The following NHS variants were observed in gnomAD, a reference collection of about 807,000 sequenced individuals.
The protein encoded by NHS is NHS actin remodeling regulator.
NHS carries 5 observed loss-of-function variants against 72.5 expected under a neutral mutation model. The observed-to-expected ratio is 0.07, with a 90% CI of 0.04 to 0.14. The LOEUF is 0.14. NHS is among the 10% of genes least tolerant of loss of function. The pLI, the probability that NHS is intolerant of heterozygous loss-of-function variation, is 1.00. For synonymous variants in NHS, 464 were observed against 547.7 expected (o/e 0.85, Z 2.13); for missense variants, 1,072 against 1,355.7 (o/e 0.79, Z 3.29).
intron 1 of NHS, among the ~76,000 whole-genome samples, chrX:17,425,551 A>G (rs866270380): frequency 7.7e-5 from 5 of 64,996 alleles, no homozygotes; most frequent in African/African-American, 1.7e-4. Context: ...AAAAAAAAAA[A>G]AAAAAAAAAA....
chrX:17,488,938 C>T (rs1247980128), intron 1 of NHS, among the ~76,000 whole-genome samples: 1 of 111,091 alleles, frequency 9.0e-6, no homozygotes, highest in East Asian at 2.8e-4. Context: ...CTATCCCTCC[C>T]CTAGCCCCAC....
chrX:17,428,142 G>A (rs7056615), intron 1 of NHS, among the ~76,000 whole-genome samples: 10,863 of 111,989 alleles, frequency 0.097, 1,323 homozygotes, highest in African/African-American at 0.33. Flanking sequence ...ATCAGGGTAC[G>A]TGACCTAACT....
chrX:17,414,681 G>A (rs1482455883), intron 1 of NHS, among the ~76,000 whole-genome samples: 1 of 111,806 alleles, frequency 8.9e-6, no homozygotes, highest in East Asian at 2.8e-4. Context: ...CCTGGAAGGT[G>A]AGCCACTGGG....
At chrX:17,465,316 A>T (rs1012898497) in intron 1 of NHS, among the ~76,000 whole-genome samples, 2 of 111,445 alleles carry the variant, frequency 1.8e-5, no homozygotes, top group African/African-American at 6.5e-5. Flanking sequence ...AAATGCCCCA[A>T]AGCAAAAATA....
chrX:17,544,747 A>C (rs899595150), intron 1 of NHS, among the ~76,000 whole-genome samples: 2 of 112,180 alleles, frequency 1.8e-5, no homozygotes, highest in African/African-American at 6.5e-5. Flanking sequence ...TTCTGACCTC[A>C]GGTGATCCAC....
chrX:17,380,663 T>C (rs2064373421), intron 1 of NHS, among the ~76,000 whole-genome samples: 1 of 111,911 alleles, frequency 8.9e-6, no homozygotes, highest in Non-Finnish European at 1.9e-5. Context: ...ACAACTCTTG[T>C]AAGGCGTTTC....
chrX:17,521,735 G>A (rs1191520952), intron 1 of NHS, among the ~76,000 whole-genome samples: 1 of 111,995 alleles, frequency 8.9e-6, no homozygotes, highest in African/African-American at 3.3e-5. Flanking sequence ...GTGCTTCTTT[G>A]GGAGAGATGT....
chrX:17,691,842 G>C lies in NHS; in HGVS notation c.719-493G>C, dbSNP rs184694738. On this transcript the variant is annotated intron_variant, in intron 2 of 8. Coordinates refer to ENST00000676302, the MANE Select transcript of NHS (RefSeq NM_001291867.2). ...TGTGATGTAAATACTCCCAACATGA[G>C]TTATTTCCAGGTACCAACAGTTGAA... 4.1e-4 allele frequency among the ~76,000 whole-genome samples: 46 copies of C among 112,377 alleles called. 1 individual carries two copies. The highest frequency in any genetic ancestry group is 4.7e-4 in the Admixed American group (5 of 10,633).
chrX:17,651,660 C>G (rs761259078), intron 1 of NHS, among the ~76,000 whole-genome samples: 91 of 111,925 alleles, frequency 8.1e-4, no homozygotes, highest in African/African-American at 2.9e-3. Context: ...TGGAGGCACA[C>G]GTAACTTCTG....
chrX:17,556,622 A>C (rs539645119), intron 1 of NHS, among the ~76,000 whole-genome samples: 1 of 112,888 alleles, frequency 8.9e-6, no homozygotes, highest in South Asian at 3.6e-4. Context: ...GAGAGAAGTT[A>C]AGTAATTTTC....
chrX:17,612,075 T>C (rs185043228), intron 1 of NHS, among the ~76,000 whole-genome samples: 14 of 104,453 alleles, frequency 1.3e-4, no homozygotes, highest in African/African-American at 5.1e-4. Context: ...TTATGAAAAG[T>C]TTCAAACAGC....
At chrX:17,723,501 C>A (rs931248620) in intron 5 of NHS, among the ~76,000 whole-genome samples, 1 of 111,724 alleles carries the variant, frequency 9.0e-6, no homozygotes, top group Admixed American at 9.5e-5. Context: ...CAAAAACAAA[C>A]CTATGGGATA....
intron 1 of NHS, among the ~76,000 whole-genome samples, chrX:17,524,189 A>T (rs773879885): frequency 8.9e-6 from 1 of 111,827 alleles, no homozygotes; most frequent in African/African-American, 3.3e-5. Flanking sequence ...AGATTCACTA[A>T]TTGTTCATAT....
At chrX:17,630,848 C>T (rs2065820302) in intron 1 of NHS, among the ~76,000 whole-genome samples, 1 of 111,817 alleles carries the variant, frequency 8.9e-6, no homozygotes, top group African/African-American at 3.3e-5. Flanking sequence ...CTCAGAATCA[C>T]CTGGGCAGCT....
At chrX:17,628,119 C>T (rs2065807087) in intron 1 of NHS, among the ~76,000 whole-genome samples, 1 of 112,786 alleles carries the variant, frequency 8.9e-6, no homozygotes, top group Non-Finnish European at 1.9e-5. Context: ...GCTCCACAGA[C>T]TCTCACTCCT....
intron 1 of NHS, among the ~76,000 whole-genome samples, chrX:17,408,823 C>A (rs886531319): frequency 3.6e-5 from 4 of 111,915 alleles, no homozygotes; most frequent in Non-Finnish European, 7.5e-5. Flanking sequence ...GTTCTGGAGG[C>A]TGAGAAGTCC....
At position 17,545,846 on chromosome X, in the gene NHS, A is replaced by G. The variant is rs570936438; in HGVS notation, c.566-141896A>G. Among the ~76,000 whole-genome samples, 12 of 112,181 alleles carry G rather than the reference A, an allele frequency of 1.1e-4. 1 individual carries two copies. In the South Asian group the frequency reaches 3.7e-3, roughly 35 times the overall value. ...GTGCTGTTACCCCTACAAACACCATAGTTCCCATATCAGTTGGGATTCAGC... is the reference window on the plus strand; with the variant it reads ...GTGCTGTTACCCCTACAAACACCATGGTTCCCATATCAGTTGGGATTCAGC... On this transcript the variant is annotated intron_variant, in intron 1 of 8. Transcript: ENST00000676302.
intron 1 of NHS, among the ~76,000 whole-genome samples, chrX:17,556,389 G>A (rs188074102): frequency 1.8e-5 from 2 of 113,016 alleles, no homozygotes; most frequent in Admixed American, 1.9e-4. Flanking sequence ...CCACGCAAAT[G>A]GCCATGCCAG....
At chrX:17,592,777 G>A (rs908413511) in intron 1 of NHS, among the ~76,000 whole-genome samples, 6 of 111,690 alleles carry the variant, frequency 5.4e-5, no homozygotes, top group African/African-American at 2.0e-4. Flanking sequence ...GACCAGCTTG[G>A]TGGAGGGTTT....
Sources: allele counts gnomAD v4.1 joint callset (sites outside exome capture counted in the v4.1 genomes callset), GRCh38; gene constraint gnomAD v4.1.1; transcripts MANE v1.5; gene names NCBI Gene and HGNC (gene_info 2026-07-23, HGNC 2026-07-21).